Variants in GLG1 observed in about 807,000 individuals in gnomAD.
GLG1 encodes Golgi apparatus protein 1.
A neutral mutation model predicts 160.5 loss-of-function variants in GLG1; 38 were observed. That is an observed-to-expected ratio of 0.24 (90% CI 0.18 to 0.31). GLG1 has a LOEUF of 0.31. Ranked by LOEUF, GLG1 falls within the 10% of genes least tolerant of loss-of-function variation. The probability of loss-of-function intolerance (pLI) is 1.00; values close to 1 mark genes in which losing one functional copy is unlikely to be tolerated. For missense variants in GLG1, 1,373 were observed against 1,505.2 expected (o/e 0.91, Z 1.45); for synonymous variants, 644 against 543.4 (o/e 1.19, Z -2.57).
chr16:74,548,483 A>G (rs1415328140), intron 1 of GLG1, among the ~76,000 whole-genome samples: 7 of 152,196 alleles, frequency 4.6e-5, no homozygotes, highest in African/African-American at 1.7e-4. Flanking sequence ...TTGGCCTACC[A>G]CACAATTCTA....
At chr16:74,520,181 G>C (rs925672810) in intron 2 of GLG1, among the ~76,000 whole-genome samples, 2 of 152,106 alleles carry the variant, frequency 1.3e-5, no homozygotes, top group African/African-American at 2.4e-5. Context: ...GTTTCCATCA[G>C]GGACTGGCTA....
Position 74,542,727 on chromosome 16 carries a change from A to G in GLG1, c.439-10574T>C, listed in dbSNP as rs61513903. On this transcript the variant is annotated intron_variant, in intron 1 of 25. Coordinates refer to ENST00000422840, the MANE Select transcript of GLG1 (RefSeq NM_001145667.2). ...GAGGAAGGGAAGAAGGGAAGGAAGG[A>G]AGGAAGGGAGGAAGGAAGGAAGGAA... is the stretch of plus-strand genomic sequence containing the variant. 3.2e-3 allele frequency among the ~76,000 whole-genome samples: 353 copies of G among 111,140 alleles called. 13 individuals are homozygous for G. The highest frequency in any genetic ancestry group is 6.5e-3 in the South Asian group (18 of 2,768). 72.9% of individuals were successfully genotyped at this position (111,140 alleles called of 152,430 possible). A position where few individuals can be genotyped will look rare whatever the true frequency, so the allele number is the denominator to read the frequency against.
intron 18 of GLG1, 83 bp from the exon 19 acceptor site, chr16:74,465,896 T>C: frequency 8.9e-7 from 1 of 1,129,586 alleles, no homozygotes; most frequent in African/African-American, 1.5e-5. Flanking sequence ...TCAGCTCCAC[T>C]GTGCCTCCCA....
Position 74,451,610 on chromosome 16 carries a change from T to C in GLG1, c.*1557A>G, listed in dbSNP as rs1053966465. On this transcript the variant is annotated 3_prime_UTR_variant, in exon 26 of 26. Coordinates refer to ENST00000422840, the MANE Select transcript of GLG1 (RefSeq NM_001145667.2). Reference sequence around the variant, plus strand: ...AGGCCTTGGTCTACATGGACAGTTTTAGGCACGTGATTTATAATACTTTGT... The same window carrying C: ...AGGCCTTGGTCTACATGGACAGTTTCAGGCACGTGATTTATAATACTTTGT... 13 of 182,550 alleles carry C rather than the reference T, an allele frequency of 7.1e-5. No individual in the cohort carries two copies. Among genetic ancestry groups the C allele is most frequent in the Admixed American group, 1.6e-4 (3 of 18,390 alleles). The allele number at this position is 182,550 out of a possible 1,614,324, so 11.3% of individuals were successfully genotyped here.
intron 4 of GLG1, among the ~76,000 whole-genome samples, chr16:74,498,447 AGTATATAT>A (rs1567483086): frequency 0.13 from 1,062 of 8,226 alleles, 121 homozygotes; most frequent in African/African-American, 0.21. Context: ...AAAAAAAAAA[AGTATATAT>A]ATATATATAT....
At chr16:74,491,821 A>G (rs78608670) in intron 7 of GLG1, among the ~76,000 whole-genome samples, 23,973 of 151,280 alleles carry the variant, frequency 0.16, 2,359 homozygotes, top group East Asian at 0.39. Context: ...TTGTATTTTC[A>G]GTAGAGACGG....
chr16:74,563,891 C>T (rs1048148812), intron 1 of GLG1, among the ~76,000 whole-genome samples: 3 of 152,132 alleles, frequency 2.0e-5, no homozygotes, highest in African/African-American at 7.2e-5. Flanking sequence ...TGCCTACTGG[C>T]TAATCAGGGA....
chr16:74,466,569 T>C (rs905310620), intron 18 of GLG1, among the ~76,000 whole-genome samples: 24 of 152,020 alleles, frequency 1.6e-4, no homozygotes, highest in African/African-American at 5.6e-4. Context: ...AGAAAGATGA[T>C]AAATAAAATG....
At chr16:74,478,032 C>T (rs757994764) in intron 11 of GLG1, among the ~76,000 whole-genome samples, 3 of 122,422 alleles carry the variant, frequency 2.5e-5, no homozygotes, top group Non-Finnish European at 5.4e-5. Context: ...CAAGAGGCTT[C>T]GAAAAGCCCA....
intron 5 of GLG1, among the ~76,000 whole-genome samples, chr16:74,495,106 CTTTT>C (rs5817913): frequency 3.6e-5 from 3 of 83,218 alleles, no homozygotes; most frequent in Non-Finnish European, 4.8e-5. Flanking sequence ...GAGTCTGAGT[CTTTT>C]TTTTTTTTTT....
chr16:74,465,253 T>TA (rs1402323195), intron 19 of GLG1, among the ~76,000 whole-genome samples: 2 of 152,204 alleles, frequency 1.3e-5, no homozygotes, highest in East Asian at 3.8e-4. Flanking sequence ...AAACAACCTG[T>TA]AAAACAGAAA....
At chr16:74,509,021 G>C in intron 2 of GLG1, 96 bp from the exon 3 acceptor site, 3 of 628,176 alleles carry the variant, frequency 4.8e-6, no homozygotes, top group Non-Finnish European at 8.7e-6. Context: ...CAATTATACA[G>C]AGTCAGACAA....
intron 12 of GLG1, 93 bp from the exon 13 acceptor site, chr16:74,474,725 G>C (rs1358634829): frequency 5.2e-6 from 4 of 763,898 alleles, no homozygotes; most frequent in South Asian, 2.7e-5. Context: ...TCCCTTTTCA[G>C]TGGTCCTCCT....
chr16:74,590,795 CAAAAAAAAAAAAAAAAG>C (rs1310438916), intron 1 of GLG1, among the ~76,000 whole-genome samples: 1 of 68,976 alleles, frequency 1.4e-5, no homozygotes, highest in Non-Finnish European at 2.6e-5. Context: ...GAAACTGTCT[CAAAAAAAAAAAAAAAAG>C]AAAAAAAAAA....
chr16:74,587,134 T>C (rs1305809795), intron 1 of GLG1, among the ~76,000 whole-genome samples: 3 of 152,168 alleles, frequency 2.0e-5, no homozygotes, highest in Non-Finnish European at 2.9e-5. Context: ...TTACTCCCAT[T>C]GTGAACGAGA....
chr16:74,492,190 T>C (rs2016022567), intron 7 of GLG1, among the ~76,000 whole-genome samples: 1 of 147,210 alleles, frequency 6.8e-6, no homozygotes, highest in African/African-American at 2.5e-5. Flanking sequence ...ATCGAGACTA[T>C]CATGGCCAAC....
intron 1 of GLG1, among the ~76,000 whole-genome samples, chr16:74,593,983 T>C (rs1176650934): frequency 1.3e-5 from 2 of 152,084 alleles, no homozygotes; most frequent in Non-Finnish European, 2.9e-5. Context: ...CTTGGCTCAC[T>C]GCAACCTCCG....
chr16:74,537,966 G>A, intron 1 of GLG1, among the ~76,000 whole-genome samples: 1 of 152,168 alleles, frequency 6.6e-6, no homozygotes. Context: ...AGTCTGGAAG[G>A]AGAAATTAAA....
At chr16:74,527,910 A>G (rs1261416864) in intron 2 of GLG1, among the ~76,000 whole-genome samples, 4 of 129,374 alleles carry the variant, frequency 3.1e-5, no homozygotes, top group Non-Finnish European at 4.8e-5. Context: ...TTTGAGATGG[A>G]GTCTCGTTCT....
Sources: gnomAD v4.1 joint callset for allele counts (sites outside exome capture counted in the v4.1 genomes callset) on GRCh38, gnomAD v4.1.1 for gene constraint, MANE v1.5 for transcripts, NCBI Gene and HGNC (gene_info 2026-07-23, HGNC 2026-07-21) for gene names.